The following ABCC10 variants were observed in gnomAD, a reference collection of about 807,000 sequenced individuals.
ABCC10 encodes the protein ATP binding cassette subfamily C member 10, also known as ATP-binding cassette sub-family C member 10.
In ABCC10, 110 loss-of-function variants were observed where a neutral mutation model predicts 143.2. That is an observed-to-expected ratio of 0.77 (90% CI 0.66 to 0.90). ABCC10 has a LOEUF of 0.90. ABCC10 is among the 40% of genes least tolerant of loss of function. ABCC10 has a pLI of 0.00. For missense variants in ABCC10, 1,700 were observed against 1,900.5 expected (o/e 0.89, Z 1.96); for synonymous variants, 805 against 846.7 (o/e 0.95, Z 0.85).
At chr6:43,451,794 A>C (rs1429942167), downstream of ABCC10, 3 of 1,421,508 alleles carry the variant, frequency 2.1e-6, no homozygotes, top group Non-Finnish European at 2.8e-6. This position sits in a 1 kb window ranked among gnomAD's most constrained non-coding sequence, Gnocchi z 4.4. Flanking sequence ...AACTAGGAAC[A>C]CTTTGGCATG....
intron 18 of ABCC10, 151 bp from the exon 19 acceptor site, chr6:43,448,730 T>G: frequency 1.1e-6 from 1 of 932,928 alleles, no homozygotes; most frequent in Non-Finnish European, 1.6e-6. Flanking sequence ...AACAGATCAT[T>G]TGGTGGGGAT....
intron 8 of ABCC10, among the ~76,000 whole-genome samples, chr6:43,439,804 C>T (rs1004378194): frequency 1.3e-5 from 2 of 151,970 alleles, no homozygotes; most frequent in Non-Finnish European, 2.9e-5. Flanking sequence ...GAATGGTCTC[C>T]ATCTCCTGAC....
rs1390105262 is a variant in ABCC10 at position 43,445,722 on chromosome 6, G to A, written c.3154G>A (p.Gly1052Ser). ...CAACATCCTCCTGGCCAACGCGGCA[G>A]GCCTGCTGGGGCTCCTGGCCGTGCT... ...ILNILLANAA[G>S]LLGLLAVLGS... The change falls in exon 15 of 22, where the codon GGC becomes AGC. Residue 1052 changes from glycine (G) to serine (S), a missense_variant. Gly to Ser is a moderately conservative substitution (Grantham distance 56). Transcript: ENST00000372530. 6.2e-7 allele frequency: 1 copy of A among 1,614,210 alleles called. No homozygotes were observed. The highest frequency in any genetic ancestry group is 1.1e-5 in the South Asian group (1 of 91,082).
downstream of ABCC10, chr6:43,450,528 C>T (rs554250227): frequency 6.5e-6 from 10 of 1,533,682 alleles, no homozygotes; most frequent in South Asian, 1.3e-4. The surrounding 1 kb of genome is among the most constrained non-coding windows in gnomAD (Gnocchi z 4.5). Flanking sequence ...GCCAGAAAGC[C>T]CCCACCTCCA....
chr6:43,435,113 C>T (rs1781547136), intron 4 of ABCC10: 2 of 433,514 alleles, frequency 4.6e-6, no homozygotes, highest in Non-Finnish European at 8.3e-6. Context: ...TCTCTTCATC[C>T]TCGTTCTAAT....
rs555237268 is a variant in ABCC10 at position 43,427,901 on chromosome 6, C to G, written c.-11-67C>G. The G allele has an allele frequency of 5.1e-6, 8 of 1,573,180 alleles. No homozygotes were observed. The South Asian group carries it at 6.7e-5, about 13-fold the overall frequency. On this transcript the variant is annotated intron_variant, in intron 1 of 21. Coordinates refer to ENST00000372530, the MANE Select transcript of ABCC10 (RefSeq NM_001198934.2). Reference sequence around the variant, plus strand: ...GGGCGGGGCTGGAGACAGGGAGACCCGGCTGGGAAGTGCAGGCAAAGCCGG... The same window carrying G: ...GGGCGGGGCTGGAGACAGGGAGACCGGGCTGGGAAGTGCAGGCAAAGCCGG...
intron 4 of ABCC10, among the ~76,000 whole-genome samples, chr6:43,435,308 G>A (rs969489252): frequency 3.3e-5 from 5 of 152,146 alleles, no homozygotes; most frequent in South Asian, 2.1e-4. Context: ...CAAGGCAGGC[G>A]GATCACCTGA....
At chr6:43,430,628 C>T (rs151216479) in intron 2 of ABCC10, 1 of 152,128 alleles carries the variant, frequency 6.6e-6, no homozygotes, top group Non-Finnish European at 1.5e-5. Context: ...GTAACCTAGC[C>T]GTGCCACAAA....
In ABCC10 at chr6:43,448,903, C is replaced by T. The variant is rs1332961317; in HGVS notation, c.3982C>T (p.Gln1328Ter). 1 of 1,613,912 alleles carries T rather than the reference C, an allele frequency of 6.2e-7. No individual in the cohort carries two copies. Among genetic ancestry groups the T allele is most frequent in the African/African-American group, 1.3e-5 (1 of 74,942 alleles). The change falls in exon 19 of 22, where the codon CAG (glutamine) becomes TAG (stop). Residue 1328 changes from glutamine to a stop codon, truncating the protein, a stop_gained. Transcript: ENST00000372530. LOFTEE classifies it high-confidence loss of function. ...CAGATCCCAGTTGGCTATCATCCCC[C>T]AGGAGCCCTTTTTGTTCAGTGGGAC... ...QLRSQLAIIP[Q>*]EPFLFSGTVR... is the part of the protein sequence containing the mutation.
Position 43,441,884 on chromosome 6 carries a change from C to T in ABCC10, c.2150C>T (p.Thr717Ile), listed in dbSNP as rs1782509449. Reference sequence around the variant, plus strand: ...CAGATCCTGCCTGCTGGAGACCAGACAGAGGTGGGGGAGAAGGGTGTCACC... The same window carrying T: ...CAGATCCTGCCTGCTGGAGACCAGATAGAGGTGGGGGAGAAGGGTGTCACC... ...DLSILPAGDQ[T>I]EVGEKGVTLS... Residue 717 changes from threonine (T) to isoleucine (I), a missense_variant, in exon 9 of 22, where the codon ACA becomes ATA. By Grantham distance (89) the Thr-to-Ile change is moderately conservative. Coordinates refer to ENST00000372530, the MANE Select transcript of ABCC10 (RefSeq NM_001198934.2). 3 of 1,613,722 alleles carry T rather than the reference C, an allele frequency of 1.9e-6. No homozygotes were observed. Among genetic ancestry groups the T allele is most frequent in the Middle Eastern group, 1.7e-4 (1 of 5,948 alleles).
At chr6:43,440,519 T>A (rs999488737) in intron 8 of ABCC10, among the ~76,000 whole-genome samples, 8 of 152,004 alleles carry the variant, frequency 5.3e-5, no homozygotes, top group Admixed American at 2.6e-4. Flanking sequence ...TCCTAGCATT[T>A]TGGGAGGCCA....
At chr6:43,448,211 G>T in intron 18 of ABCC10, 1 of 566,030 alleles carries the variant, frequency 1.8e-6, no homozygotes, top group Non-Finnish European at 3.3e-6. Context: ...CTCCACTCTT[G>T]TGCCCCAAGA....
intron 16 of ABCC10, chr6:43,446,861 T>A: frequency 9.2e-7 from 1 of 1,082,076 alleles, no homozygotes; most frequent in Non-Finnish European, 1.1e-6. Flanking sequence ...TTTGTTTTTT[T>A]TTTTGAGATG....
In ABCC10 at chr6:43,429,410, G is replaced by GT. The variant is rs555695734; in HGVS notation, c.161+1271_161+1272insT. On this transcript the variant is annotated intron_variant, in intron 2 of 21. Transcript: ENST00000372530. ...TGTGTGTGTGTGTGTGTGTGTGTGT[G>GT]GCGGGGGGGAGGGGGGATTGTTATT... Among the ~76,000 whole-genome samples the GT allele has an allele frequency of 2.1e-3, 70 of 33,362 alleles. 1 individual carries two copies. The highest frequency in any genetic ancestry group is 5.6e-3 in the East Asian group (4 of 708). The allele number at this position is 33,362 out of a possible 152,430, so 21.9% of individuals were successfully genotyped here. A position where few individuals can be genotyped will look rare whatever the true frequency, so the allele number is the denominator to read the frequency against.
At chr6:43,447,998 G>C in intron 18 of ABCC10, 61 bp downstream of exon 18, 8 of 1,596,986 alleles carry the variant, frequency 5.0e-6, no homozygotes, top group Non-Finnish European at 5.1e-6. Flanking sequence ...ACTTAGAGGA[G>C]GGCATAGCCA....
chr6:43,445,873 C>T lies in ABCC10; in HGVS notation c.3305C>T (p.Pro1102Leu). 1 of 1,614,092 alleles carries T rather than the reference C, an allele frequency of 6.2e-7. No individual in the cohort carries two copies. Among genetic ancestry groups the T allele is most frequent in the Non-Finnish European group, 8.5e-7 (1 of 1,180,042 alleles). ...CGCCTGGGCAGCCTCACCCTGTCTC[C>T]ACTGTATAGCCATCTGGCCGATACC... is the stretch of plus-strand genomic sequence containing the variant. ...LRRLGSLTLS[P>L]LYSHLADTLA... The change falls in exon 15 of 22, where the codon CCA becomes CTA. Residue 1102 changes from proline to leucine, a missense_variant. By Grantham distance (98) the Pro-to-Leu change is moderately conservative. Coordinates refer to ENST00000372530, the MANE Select transcript of ABCC10 (RefSeq NM_001198934.2).
downstream of ABCC10, chr6:43,450,883 C>G (rs1454844426): frequency 2.5e-6 from 4 of 1,614,078 alleles, no homozygotes; most frequent in Non-Finnish European, 3.4e-6. This position sits in a 1 kb window ranked among gnomAD's most constrained non-coding sequence, Gnocchi z 4.5. Context: ...GGTACCACTA[C>G]AGCTGAGGTG....
In ABCC10 at chr6:43,435,811, G is replaced by T. The variant is rs1186435077; in HGVS notation, c.1669G>T (p.Val557Leu). Residue 557 changes from valine (V) to leucine (L), a missense_variant, in exon 5 of 22, where the codon GTG becomes TTG. By Grantham distance (32) the Val-to-Leu change is conservative (BLOSUM62 1). Coordinates refer to ENST00000372530, the MANE Select transcript of ABCC10 (RefSeq NM_001198934.2). ...TCTTCCTCTCAACAACTTCCCTTGG[G>T]TGATCAATGGTCTCCTGGAGGCCAA... ...LILPLNNFPW[V>L]INGLLEAKVS... 6.2e-7 allele frequency: 1 copy of T among 1,614,194 alleles called. No individual in the cohort carries two copies. Among genetic ancestry groups the T allele is most frequent in the Admixed American group, 1.7e-5 (1 of 60,024 alleles).
intron 8 of ABCC10, among the ~76,000 whole-genome samples, chr6:43,441,083 A>G (rs1468175028): frequency 6.6e-6 from 1 of 151,126 alleles, no homozygotes; most frequent in Admixed American, 6.6e-5. Flanking sequence ...AGCCTGGGCG[A>G]CAGAGCAAGA....
Sources: gnomAD v4.1 joint callset for allele counts (sites outside exome capture counted in the v4.1 genomes callset) on GRCh38, gnomAD v4.1.1 for gene constraint, Gnocchi (gnomAD v3.1) non-coding constraint, MANE v1.5 for transcripts, NCBI Gene and HGNC (gene_info 2026-07-23, HGNC 2026-07-21) for gene names.